Variants in RAPGEF5 observed in about 807,000 individuals in gnomAD.
RAPGEF5 encodes the protein Rap guanine nucleotide exchange factor 5, also known as M-Ras-regulated GEF.
A neutral mutation model predicts 125.2 loss-of-function variants in RAPGEF5; 65 were observed. The observed-to-expected ratio is 0.52, with a 90% CI of 0.43 to 0.64. RAPGEF5 has a LOEUF of 0.64. Among genes scored for constraint, RAPGEF5 ranks in the 30% least tolerant of loss-of-function variants. The pLI, the probability that RAPGEF5 is intolerant of heterozygous loss-of-function variation, is 0.00. For missense variants in RAPGEF5, 958 were observed against 1,048.1 expected (o/e 0.91, Z 1.19); for synonymous variants, 391 against 385.9 (o/e 1.01, Z -0.16).
Position 22,246,139 on chromosome 7 carries a change from T to A in RAPGEF5, c.797-15220A>T, listed in dbSNP as rs538801438. 2.0e-5 allele frequency among the ~76,000 whole-genome samples: 3 copies of A among 152,262 alleles called. 1 individual carries two copies. In the South Asian group the frequency reaches 6.2e-4, roughly 32 times the overall value. On this transcript the variant is annotated intron_variant, in intron 7 of 25. Coordinates refer to ENST00000665637, the MANE Select transcript of RAPGEF5 (RefSeq NM_012294.5). ...ATTGGAAGAATGAATATCGTTAAAATGGCCATACTGCCCAAAGCAATCTAC... is the reference window on the plus strand; with the variant it reads ...ATTGGAAGAATGAATATCGTTAAAAAGGCCATACTGCCCAAAGCAATCTAC...
intron 9 of RAPGEF5, among the ~76,000 whole-genome samples, chr7:22,207,427 G>A (rs549207847): frequency 6.6e-6 from 1 of 152,278 alleles, no homozygotes; most frequent in South Asian, 2.1e-4. Context: ...ATGAAAATAT[G>A]AGGAAAGCCT....
At chr7:22,262,477 G>A (rs1187040050) in intron 7 of RAPGEF5, among the ~76,000 whole-genome samples, 1 of 152,194 alleles carries the variant, frequency 6.6e-6, no homozygotes, top group Non-Finnish European at 1.5e-5. Context: ...CACATGGCTA[G>A]TGAGAATGTA....
chr7:22,258,624 C>CAAAAAAAAAAAAAAAA (rs34352575), intron 7 of RAPGEF5, among the ~76,000 whole-genome samples: 1 of 45,806 alleles, frequency 2.2e-5, no homozygotes, highest in Non-Finnish European at 3.9e-5. Flanking sequence ...AACTCCGTCT[C>CAAAAAAAAAAAAAAAA]AAAAAAAAAA....
chr7:22,344,512 G>T (rs147593922), intron 1 of RAPGEF5, among the ~76,000 whole-genome samples: 1 of 152,294 alleles, frequency 6.6e-6, no homozygotes, highest in Non-Finnish European at 1.5e-5. Context: ...CACAGACACT[G>T]CAAGCACCAC....
Position 22,356,879 on chromosome 7 carries a change from A to G in RAPGEF5, c.182T>C (p.Leu61Pro). 2 of 1,154,964 alleles carry G rather than the reference A, an allele frequency of 1.7e-6. No homozygotes were observed. Among genetic ancestry groups the G allele is most frequent in the African/African-American group, 1.6e-5 (1 of 61,514 alleles). 71.5% of individuals were successfully genotyped at this position (1,154,964 alleles called of 1,614,324 possible). A position where few individuals can be genotyped will look rare whatever the true frequency, so the allele number is the denominator to read the frequency against. The change falls in exon 1 of 26, where the codon CTG (leucine) becomes CCG (proline). Residue 61 changes from leucine to proline, a missense_variant. By Grantham distance (98) the Leu-to-Pro change is moderately conservative (BLOSUM62 -3). Transcript: ENST00000665637. Reference protein sequence around the residue: ...RPRLRDLPALLRSGLTLRRKR... With the variant: ...RPRLRDLPALPRSGLTLRRKR... The stretch of plus-strand genomic sequence containing the variant: ...CCTCCGCAGCGTGAGCCCGCTCCGC[A>G]GCAGCGCGGGCAGGTCCCTCAGCCG...
intron 10 of RAPGEF5, 109 bp downstream of exon 10, chr7:22,193,806 G>T: frequency 6.2e-7 from 1 of 1,610,358 alleles, no homozygotes. Context: ...AAGAGAGGGA[G>T]GGAGGGTAGA....
chr7:22,175,919 T>C (rs1784489301), intron 11 of RAPGEF5, among the ~76,000 whole-genome samples: 1 of 152,216 alleles, frequency 6.6e-6, no homozygotes, highest in East Asian at 1.9e-4. Context: ...CCAATGTTAA[T>C]ATTAGCATTA....
At chr7:22,298,127 T>C (rs996366895) in intron 5 of RAPGEF5, among the ~76,000 whole-genome samples, 1 of 152,080 alleles carries the variant, frequency 6.6e-6, no homozygotes, top group Admixed American at 6.6e-5. Context: ...TTATAATTTT[T>C]ATATGTGAGG....
intron 7 of RAPGEF5, among the ~76,000 whole-genome samples, chr7:22,233,768 A>G (rs1786118765): frequency 6.6e-6 from 1 of 152,228 alleles, no homozygotes; most frequent in Admixed American, 6.5e-5. Flanking sequence ...GAATAGATGA[A>G]CATAAAAGCA....
chr7:22,324,791 G>A (rs540101817), intron 1 of RAPGEF5, among the ~76,000 whole-genome samples: 3 of 152,094 alleles, frequency 2.0e-5, no homozygotes, highest in East Asian at 1.9e-4. Flanking sequence ...TGGCATCTTC[G>A]CACGAATTAA....
chr7:22,205,348 T>G (rs537456082), intron 9 of RAPGEF5, among the ~76,000 whole-genome samples: 1 of 152,304 alleles, frequency 6.6e-6, no homozygotes, highest in South Asian at 2.1e-4. Context: ...ACTTTAAATA[T>G]CCAATGAACT....
intron 1 of RAPGEF5, among the ~76,000 whole-genome samples, chr7:22,349,397 C>T (rs959982191): frequency 3.7e-5 from 5 of 135,696 alleles, no homozygotes; most frequent in Admixed American, 2.5e-4. Flanking sequence ...ACATTCCAAC[C>T]TGGGCGATAG....
At position 22,121,518 on chromosome 7, in the gene RAPGEF5, T is replaced by C. The variant is rs1325509363; in HGVS notation, c.*888A>G. The C allele has an allele frequency of 1.3e-5, 2 of 152,194 alleles. No homozygotes were observed. The highest frequency in any genetic ancestry group is 2.4e-5 in the African/African-American group (1 of 41,448). The allele number at this position is 152,194 out of a possible 1,614,324, so 9.4% of individuals were successfully genotyped here. ...TCATCAGGCACAAGAATGCAGACTT[T>C]TGTGACTCTGTCACCTCAGCAAGCA... On this transcript the variant is annotated 3_prime_UTR_variant, in exon 26 of 26. Transcript: ENST00000665637.
intron 6 of RAPGEF5, among the ~76,000 whole-genome samples, chr7:22,286,121 T>A (rs1008588878): frequency 6.6e-6 from 1 of 152,190 alleles, no homozygotes; most frequent in African/African-American, 2.4e-5. Context: ...AGTAGCGCAA[T>A]GGATAACGCG....
At chr7:22,127,685 A>C (rs929734092) in intron 24 of RAPGEF5, among the ~76,000 whole-genome samples, 3 of 152,216 alleles carry the variant, frequency 2.0e-5, no homozygotes, top group Non-Finnish European at 4.4e-5. Flanking sequence ...TGGGCCTCCA[A>C]TTTGGGTCAA....
intron 7 of RAPGEF5, among the ~76,000 whole-genome samples, chr7:22,240,762 T>C (rs1786311417): frequency 6.6e-6 from 1 of 152,186 alleles, no homozygotes; most frequent in Admixed American, 6.5e-5. Context: ...AGTAAAATAT[T>C]GAGCAGCAAC....
At chr7:22,234,508 A>T (rs1786137421) in intron 7 of RAPGEF5, among the ~76,000 whole-genome samples, 1 of 152,212 alleles carries the variant, frequency 6.6e-6, no homozygotes, top group African/African-American at 2.4e-5. Context: ...CAGAGTCTAA[A>T]AGCAAGTAAT....
intron 8 of RAPGEF5, among the ~76,000 whole-genome samples, chr7:22,229,911 C>A (rs536888412): frequency 6.6e-6 from 1 of 152,320 alleles, no homozygotes; most frequent in South Asian, 2.1e-4. Flanking sequence ...GATTTCATCC[C>A]TCTGTATGTC....
intron 1 of RAPGEF5, among the ~76,000 whole-genome samples, chr7:22,349,907 C>T (rs1784297303): frequency 6.6e-6 from 1 of 152,176 alleles, no homozygotes; most frequent in South Asian, 2.1e-4. Context: ...TACCTCTTCC[C>T]TTCAGGGGAC....
Sources: gnomAD v4.1 joint callset for allele counts (sites outside exome capture counted in the v4.1 genomes callset) on GRCh38, gnomAD v4.1.1 for gene constraint, MANE v1.5 for transcripts, NCBI Gene and HGNC (gene_info 2026-07-23, HGNC 2026-07-21) for gene names.